Variants in SUFU observed in about 807,000 individuals in gnomAD.
The protein encoded by SUFU is suppressor of fused homolog.
SUFU carries 7 observed loss-of-function variants against 58.9 expected under a neutral mutation model. The observed-to-expected ratio is 0.12, with a 90% CI of 0.07 to 0.22. SUFU has a LOEUF of 0.22. Ranked by LOEUF, SUFU falls within the 10% of genes least tolerant of loss-of-function variation. The probability of loss-of-function intolerance (pLI) is 1.00; values close to 1 mark genes in which losing one functional copy is unlikely to be tolerated. For synonymous variants in SUFU, 232 were observed against 254.8 expected, an observed-to-expected ratio of 0.91 and a Z score of 0.85; for missense variants, 451 against 641.3, an observed-to-expected ratio of 0.70 and a Z score of 3.20.
chr10:102,567,173 T>C (rs2063100241), intron 3 of SUFU, among the ~76,000 whole-genome samples: 1 of 150,852 alleles, frequency 6.6e-6, no homozygotes, highest in Non-Finnish European at 1.5e-5. Flanking sequence ...CACCATGCCC[T>C]GCTAATTTTT....
At chr10:102,563,677 CAG>C (rs1447441098) in intron 3 of SUFU, among the ~76,000 whole-genome samples, 1 of 151,210 alleles carries the variant, frequency 6.6e-6, no homozygotes, top group African/African-American at 2.4e-5. Flanking sequence ...GCCTAGGCAA[CAG>C]AGCAAGACCC....
rs754842119 is a variant in SUFU at position 102,599,389 on chromosome 10, G to A, written c.911-44G>A. Reference sequence around the variant, plus strand: ...TTTCAAGAGCGGGGTGAGAATTGCTGGGAGCCCACTGGGCCACTGGGCAAC... The same window carrying A: ...TTTCAAGAGCGGGGTGAGAATTGCTAGGAGCCCACTGGGCCACTGGGCAAC... On this transcript the variant is annotated intron_variant, in intron 7 of 11. Coordinates refer to ENST00000369902, the MANE Select transcript of SUFU (RefSeq NM_016169.4). The A allele has an allele frequency of 2.0e-6, 3 of 1,466,106 alleles. No individual in the cohort carries two copies. In the South Asian group the frequency reaches 3.4e-5, roughly 17 times the overall value. 90.8% of individuals were successfully genotyped at this position (1,466,106 alleles called of 1,614,324 possible).
At chr10:102,529,169 A>G (rs933976588) in intron 2 of SUFU, among the ~76,000 whole-genome samples, 5 of 152,160 alleles carry the variant, frequency 3.3e-5, no homozygotes, top group African/African-American at 1.2e-4. Context: ...CCATTTTCAA[A>G]TGTCTAATAA....
At position 102,629,754 on chromosome 10, in the gene SUFU, T is replaced by C. The variant is rs2063820417; in HGVS notation, c.1366-312T>C. On this transcript the variant is annotated intron_variant, in intron 11 of 11. Transcript: ENST00000369902. The surrounding 1 kb of genome is among the most constrained non-coding windows in gnomAD (Gnocchi z 4.7). ...CCAGGGCCTCAGGGAGCAGATTCTT[T>C]ACATGCCTGTGGCCAGAGGCAGAAC... Among the ~76,000 whole-genome samples, 3 of 152,154 alleles carry C rather than the reference T, an allele frequency of 2.0e-5. No individual in the cohort carries two copies. In the South Asian group the frequency reaches 6.2e-4, roughly 32 times the overall value.
intron 3 of SUFU, among the ~76,000 whole-genome samples, chr10:102,584,476 C>T (rs971731546): frequency 1.3e-5 from 2 of 152,128 alleles, no homozygotes; most frequent in East Asian, 1.9e-4. Context: ...CCACCATGCC[C>T]GGCCCAGTTT....
At chr10:102,521,902 A>G (rs940509557) in intron 2 of SUFU, among the ~76,000 whole-genome samples, 13 of 152,244 alleles carry the variant, frequency 8.5e-5, no homozygotes, top group Admixed American at 6.5e-5. Context: ...TAGAAATGGG[A>G]GAAAACAATT....
At chr10:102,518,519 G>GTCTGTCTATCTATCTATCTA (rs1554842626) in intron 2 of SUFU, among the ~76,000 whole-genome samples, 43 of 147,224 alleles carry the variant, frequency 2.9e-4, no homozygotes, top group African/African-American at 7.3e-4. Context: ...CTGTCTGTCT[G>GTCTGTCTATCTATCTATCTA]TCTATCTATC....
At chr10:102,521,898 T>A (rs575110972) in intron 2 of SUFU, among the ~76,000 whole-genome samples, 1 of 152,348 alleles carries the variant, frequency 6.6e-6, no homozygotes, top group Admixed American at 6.5e-5. Context: ...GAATTAGAAA[T>A]GGGAGAAAAC....
chr10:102,600,978 T>C (rs2063510471), intron 8 of SUFU, among the ~76,000 whole-genome samples: 1 of 152,204 alleles, frequency 6.6e-6, no homozygotes, highest in African/African-American at 2.4e-5. Flanking sequence ...GGAAGCTCTC[T>C]ACCTGTGAGT....
At chr10:102,508,027 G>T (rs530862148) in intron 1 of SUFU, among the ~76,000 whole-genome samples, 1 of 144,948 alleles carries the variant, frequency 6.9e-6, no homozygotes, top group Non-Finnish European at 1.5e-5. Context: ...GTGCAGTGGC[G>T]CAATCTTGGC....
At chr10:102,592,508 G>A (rs369476542) in intron 3 of SUFU, 74 bp from the exon 4 acceptor site, 6 of 1,594,842 alleles carry the variant, frequency 3.8e-6, no homozygotes, top group African/African-American at 2.7e-5. Flanking sequence ...GCCTGGGCTA[G>A]TGAGATCCCA....
intron 3 of SUFU, among the ~76,000 whole-genome samples, chr10:102,568,167 C>T (rs1022854323): frequency 5.3e-5 from 8 of 150,862 alleles, no homozygotes; most frequent in Non-Finnish European, 1.2e-4. Flanking sequence ...ATAAAGAAAC[C>T]TTGTCGCAGA....
chr10:102,509,918 G>A (rs2135622891), intron 2 of SUFU, among the ~76,000 whole-genome samples: 1 of 152,066 alleles, frequency 6.6e-6, no homozygotes, highest in South Asian at 2.1e-4. Context: ...GTTCACTGCA[G>A]CCTCGACCTC....
At chr10:102,585,612 T>G (rs2063327814) in intron 3 of SUFU, among the ~76,000 whole-genome samples, 1 of 152,090 alleles carries the variant, frequency 6.6e-6, no homozygotes, top group South Asian at 2.1e-4. Flanking sequence ...GCTCAAACAA[T>G]CCTCCCACTT....
chr10:102,572,714 G>A (rs2063175030), intron 3 of SUFU: 1 of 700,504 alleles, frequency 1.4e-6, no homozygotes, highest in East Asian at 2.8e-5. Flanking sequence ...TTGTTATGGT[G>A]AAAAGATATA....
chr10:102,560,512 T>G (rs1229987057), intron 3 of SUFU, among the ~76,000 whole-genome samples: 1 of 152,004 alleles, frequency 6.6e-6, no homozygotes, highest in African/African-American at 2.4e-5. Context: ...GAGGCGGAGG[T>G]TGCAGTGAGC....
At chr10:102,555,637 G>C (rs1159633815) in intron 3 of SUFU, among the ~76,000 whole-genome samples, 1 of 152,182 alleles carries the variant, frequency 6.6e-6, no homozygotes, top group African/African-American at 2.4e-5. Flanking sequence ...ATGCAGTTTA[G>C]TGGGACCTTG....
In SUFU at chr10:102,631,953, G is replaced by C. The variant is rs867393186; in HGVS notation, c.*1798G>C. On this transcript the variant is annotated 3_prime_UTR_variant, in exon 12 of 12. Coordinates refer to ENST00000369902, the MANE Select transcript of SUFU (RefSeq NM_016169.4). ...CTGCCCTGAGGACTTACCAGAGGGA[G>C]CCCTACTGGCCTTCCCCCACCACAG... is the stretch of plus-strand genomic sequence containing the variant. The C allele has an allele frequency of 7.5e-4, 174 of 233,352 alleles. 1 individual carries two copies. The highest frequency in any genetic ancestry group is 3.4e-3 in the African/African-American group (155 of 45,480). The allele number at this position is 233,352 out of a possible 1,614,324, so 14.5% of individuals were successfully genotyped here. A position where few individuals can be genotyped will look rare whatever the true frequency, so the allele number is the denominator to read the frequency against.
At chr10:102,612,206 T>TGC (rs1289135483) in intron 8 of SUFU, among the ~76,000 whole-genome samples, 14 of 116,270 alleles carry the variant, frequency 1.2e-4, no homozygotes, top group Non-Finnish European at 2.5e-4. Flanking sequence ...TGTGTGTGTG[T>TGC]GTGCACGCGC....
Sources: allele counts gnomAD v4.1 joint callset (sites outside exome capture counted in the v4.1 genomes callset), GRCh38; gene constraint gnomAD v4.1.1; non-coding constraint Gnocchi (gnomAD v3.1); transcripts MANE v1.5; gene names NCBI Gene and HGNC (gene_info 2026-07-23, HGNC 2026-07-21).